NFIC: variants seen among roughly 807,000 people sequenced by gnomAD.
The protein encoded by NFIC is nuclear factor 1 C-type.
Under a neutral mutation model 54.4 loss-of-function variants are expected in NFIC, and 12 were observed. That is an observed-to-expected ratio of 0.22 (90% CI 0.14 to 0.36). NFIC has a LOEUF of 0.36. Ranked by LOEUF, NFIC falls within the 10% of genes least tolerant of loss-of-function variation. NFIC has a pLI of 1.00. For missense variants in NFIC, 575 were observed against 718.2 expected (o/e 0.80, Z 2.28); for synonymous variants, 322 against 319.2 (o/e 1.01, Z -0.09).
chr19:3,437,367 C>CAA (rs560589132), intron 6 of NFIC, among the ~76,000 whole-genome samples: 96 of 132,614 alleles, frequency 7.2e-4, no homozygotes, highest in Non-Finnish European at 1.0e-3. Flanking sequence ...GACTCCGTCT[C>CAA]AAAAAAAAAA....
chr19:3,462,726 C>G (rs377617092), intron 10 of NFIC, 26 bp from the exon 11 acceptor site: 9 of 1,613,248 alleles, frequency 5.6e-6, no homozygotes, highest in Non-Finnish European at 7.6e-6. Context: ...CTCTCTCCCT[C>G]TTTCTGTCGC....
chr19:3,454,320 A>T, intron 9 of NFIC: 1 of 975,276 alleles, frequency 1.0e-6, no homozygotes, highest in East Asian at 8.9e-5. Context: ...ATCGGTTGTT[A>T]TCATTTTAAA....
intron 3 of NFIC, among the ~76,000 whole-genome samples, chr19:3,428,538 A>G (rs1214021247): frequency 1.3e-5 from 2 of 151,624 alleles, no homozygotes; most frequent in East Asian, 3.9e-4. Context: ...AGGCATGCAC[A>G]GGGAGGCTGG....
intron 5 of NFIC, 185 bp from the exon 6 acceptor site, chr19:3,434,898 C>T: frequency 1.3e-6 from 1 of 751,516 alleles, no homozygotes; most frequent in Non-Finnish European, 2.1e-6. Context: ...CCCATCCAAG[C>T]AATGGACAGG....
chr19:3,468,959 C>T lies in NFIC; in HGVS notation c.*6190C>T, dbSNP rs1249303534. ...AGACCCGCCGGCTCTCCCCCCACCC[C>T]ACCCCGCCCCTCACATCATACTCCA... On this transcript the variant is annotated 3_prime_UTR_variant, in exon 11 of 11. Transcript: ENST00000443272. 6.6e-6 allele frequency: 1 copy of T among 151,890 alleles called. No homozygotes were observed. The highest frequency in any genetic ancestry group is 2.4e-5 in the African/African-American group (1 of 41,312). 9.4% of individuals were successfully genotyped at this position (151,890 alleles called of 1,614,324 possible).
intron 2 of NFIC, among the ~76,000 whole-genome samples, chr19:3,395,219 T>C (rs1599606800): frequency 6.6e-6 from 1 of 152,084 alleles, no homozygotes; most frequent in African/African-American, 2.4e-5. Flanking sequence ...ATCAGCCAGG[T>C]GTGGTGGTGC....
chr19:3,435,069 C>T lies in NFIC; in HGVS notation c.834-14C>T, dbSNP rs1288012187. ...TCCCTGGTAACCAGCCTCTCCCCTT[C>T]CCTCGCCCATAAGGAGCAAGCGGCA... On this transcript the variant is annotated splice_polypyrimidine_tract_variant and intron_variant, in intron 5 of 10. Coordinates refer to ENST00000443272, the MANE Select transcript of NFIC (RefSeq NM_001245002.2). The T allele has an allele frequency of 3.2e-6, 5 of 1,577,994 alleles. No individual in the cohort carries two copies. In the East Asian group the frequency reaches 6.9e-5, roughly 22 times the overall value.
chr19:3,377,684 T>C (rs2081132222), intron 1 of NFIC, among the ~76,000 whole-genome samples: 2 of 152,078 alleles, frequency 1.3e-5, no homozygotes, highest in Non-Finnish European at 2.9e-5. Context: ...CAATCACAGC[T>C]CACTGCAGCC....
At chr19:3,417,500 T>A (rs942511370) in intron 2 of NFIC, among the ~76,000 whole-genome samples, 53 of 152,168 alleles carry the variant, frequency 3.5e-4, no homozygotes, top group African/African-American at 1.2e-3. Context: ...CTGTGGAAGT[T>A]AGCCAGCCTT....
At chr19:3,363,269 A>ATT (rs1178364391), upstream of NFIC, among the ~76,000 whole-genome samples, 406 of 36,690 alleles carry the variant, frequency 0.011, 13 homozygotes, top group Middle Eastern at 0.022. Context: ...ATATATATAT[A>ATT]TTTTTTTTTT....
chr19:3,400,819 G>T (rs1458001702), intron 2 of NFIC, among the ~76,000 whole-genome samples: 2 of 152,162 alleles, frequency 1.3e-5, no homozygotes, highest in Non-Finnish European at 2.9e-5. Context: ...TCCAGCTGGG[G>T]CCACAGAGCG....
intron 2 of NFIC, among the ~76,000 whole-genome samples, chr19:3,413,670 C>T (rs1329541800): frequency 3.9e-5 from 6 of 152,220 alleles, no homozygotes; most frequent in African/African-American, 4.8e-5. Flanking sequence ...GATGGAGTCT[C>T]GCTCTGTCTC....
chr19:3,401,721 C>CTTTTTTTT (rs1333848770), intron 2 of NFIC, among the ~76,000 whole-genome samples: 1 of 35,294 alleles, frequency 2.8e-5, no homozygotes, highest in African/African-American at 5.9e-5. Context: ...GGGTTATTCT[C>CTTTTTTTT]TTTTTTTTTC....
At chr19:3,364,785 G>T (rs2080860629), upstream of NFIC, among the ~76,000 whole-genome samples, 1 of 152,206 alleles carries the variant, frequency 6.6e-6, no homozygotes, top group South Asian at 2.1e-4. Flanking sequence ...ACGGGGTCTG[G>T]AAGTCTAGGA....
intron 6 of NFIC, among the ~76,000 whole-genome samples, chr19:3,445,273 C>T (rs2082358726): frequency 6.6e-6 from 1 of 152,252 alleles, no homozygotes; most frequent in East Asian, 1.9e-4. Flanking sequence ...GCCTCCCCGG[C>T]TCCAGGCCAC....
At chr19:3,413,524 C>T (rs1440761384) in intron 2 of NFIC, among the ~76,000 whole-genome samples, 3 of 152,074 alleles carry the variant, frequency 2.0e-5, no homozygotes, top group African/African-American at 4.8e-5. Flanking sequence ...TGGCGATTAC[C>T]GTCCCCCATA....
rs566553271 is a variant in NFIC, at chr19:3,446,156, C to T, written c.959-2858C>T. 5.9e-5 allele frequency among the ~76,000 whole-genome samples: 9 copies of T among 152,328 alleles called. 1 individual carries two copies. The highest frequency in any genetic ancestry group is 1.9e-4 in the African/African-American group (8 of 41,572). On this transcript the variant is annotated intron_variant, in intron 6 of 10. Transcript: ENST00000443272. Reference sequence around the variant, plus strand: ...CAGAAGAAGCTCCTGACAGGGCAGACGGTAGAAACCAGGGGGACCCCAGCT... The same window carrying T: ...CAGAAGAAGCTCCTGACAGGGCAGATGGTAGAAACCAGGGGGACCCCAGCT...
chr19:3,359,651 C>A (rs1230294284), exon 1 of NFIC: 1 of 1,384,776 alleles, frequency 7.2e-7, no homozygotes, highest in South Asian at 1.6e-5. Context: ...GCGCTCGCTC[C>A]GGCGCCGGCC....
intron 2 of NFIC, among the ~76,000 whole-genome samples, chr19:3,419,523 C>G (rs943594068): frequency 6.6e-6 from 1 of 152,016 alleles, no homozygotes; most frequent in Admixed American, 6.6e-5. Context: ...AATCCCAGCA[C>G]TTTGGGAGGC....
Sources: gnomAD v4.1 joint callset for allele counts (sites outside exome capture counted in the v4.1 genomes callset) on GRCh38, gnomAD v4.1.1 for gene constraint, MANE v1.5 for transcripts, NCBI Gene and HGNC (gene_info 2026-07-23, HGNC 2026-07-21) for gene names.